The following ARB2A variants were observed in gnomAD, a reference collection of about 807,000 sequenced individuals.
The protein encoded by ARB2A is cotranscriptional regulator ARB2A.
chr5:93,697,525 CTTT>C, the ARB2A span, among the ~76,000 whole-genome samples: 1 of 152,098 alleles, frequency 6.6e-6, no homozygotes, highest in Non-Finnish European at 1.5e-5. Flanking sequence ...TGCAATTCTT[CTTT>C]ACTTCTTATA....
the ARB2A span, among the ~76,000 whole-genome samples, chr5:94,083,401 G>T: frequency 6.6e-6 from 1 of 151,916 alleles, no homozygotes; most frequent in Non-Finnish European, 1.5e-5. Context: ...TTCCACTCAC[G>T]AATATAAAGA....
the ARB2A span, among the ~76,000 whole-genome samples, chr5:93,778,799 T>A: frequency 3.3e-5 from 5 of 152,206 alleles, no homozygotes; most frequent in Non-Finnish European, 7.3e-5. Context: ...CATTACAGTA[T>A]GCAGAGGATT....
the ARB2A span, among the ~76,000 whole-genome samples, chr5:94,070,548 C>T: frequency 6.6e-6 from 1 of 151,940 alleles, no homozygotes; most frequent in Non-Finnish European, 1.5e-5. Flanking sequence ...ATGGAAATAT[C>T]CTAACTTGAA....
the ARB2A span, among the ~76,000 whole-genome samples, chr5:94,091,383 G>C: frequency 4.6e-5 from 7 of 152,134 alleles, no homozygotes; most frequent in Non-Finnish European, 5.9e-5. Flanking sequence ...ACAACCACCT[G>C]TCAAATACTT....
the ARB2A span, among the ~76,000 whole-genome samples, chr5:94,110,325 G>A: frequency 2.0e-5 from 3 of 152,068 alleles, no homozygotes; most frequent in East Asian, 5.8e-4. Context: ...AACACTATCC[G>A]GCACACTGAA....
the ARB2A span, among the ~76,000 whole-genome samples, chr5:93,664,740 A>T: frequency 6.6e-6 from 1 of 151,882 alleles, no homozygotes; most frequent in Non-Finnish European, 1.5e-5. Flanking sequence ...GGTATAATAT[A>T]TTAGCTCTAC....
the ARB2A span, among the ~76,000 whole-genome samples, chr5:93,993,944 A>C: frequency 6.6e-6 from 1 of 152,110 alleles, no homozygotes; most frequent in African/African-American, 2.4e-5. Flanking sequence ...AAAGAATTAT[A>C]ACAAAATAAG....
chr5:93,857,752 C>A, the ARB2A span, among the ~76,000 whole-genome samples: 1 of 152,222 alleles, frequency 6.6e-6, no homozygotes, highest in Non-Finnish European at 1.5e-5. Context: ...TGAGGCAATG[C>A]CTCGTCCTGC....
At chr5:93,628,347 C>A in the ARB2A span, among the ~76,000 whole-genome samples, 1 of 152,102 alleles carries the variant, frequency 6.6e-6, no homozygotes, top group Non-Finnish European at 1.5e-5. Flanking sequence ...CAGTGCCCAG[C>A]CGATGCAGCA....
the ARB2A span, among the ~76,000 whole-genome samples, chr5:93,637,921 T>C: frequency 6.6e-6 from 1 of 152,186 alleles, no homozygotes; most frequent in Non-Finnish European, 1.5e-5. Flanking sequence ...TTGGAGGGTC[T>C]GGAGGCTAAG....
chr5:94,082,326 G>T, the ARB2A span, among the ~76,000 whole-genome samples: 1 of 152,046 alleles, frequency 6.6e-6, no homozygotes, highest in African/African-American at 2.4e-5. Flanking sequence ...TTGAAATTTG[G>T]TAATAACTTT....
At chr5:94,041,270 A>C in the ARB2A span, among the ~76,000 whole-genome samples, 2,222 of 152,012 alleles carry the variant, frequency 0.015, 59 homozygotes, top group African/African-American at 0.051. Context: ...TGAGGGACAC[A>C]TTAGGATAGA....
chr5:93,718,155 G>T, the ARB2A span, among the ~76,000 whole-genome samples: 10,051 of 151,980 alleles, frequency 0.066, 413 homozygotes, highest in African/African-American at 0.11. Context: ...AATAGAGTAT[G>T]ACTCGGCTGG....
chr5:93,655,137 TATGAG>T, the ARB2A span, among the ~76,000 whole-genome samples: 1 of 152,238 alleles, frequency 6.6e-6, no homozygotes, highest in Admixed American at 6.5e-5. Context: ...TTGAGGACTC[TATGAG>T]ATAATATTTG....
chr5:93,889,070 T>C, the ARB2A span, among the ~76,000 whole-genome samples: 13 of 151,702 alleles, frequency 8.6e-5, no homozygotes, highest in South Asian at 2.3e-3. Flanking sequence ...ATTCCTAAAA[T>C]GTCTACATGA....
chr5:93,767,453 GA>G, the ARB2A span, among the ~76,000 whole-genome samples: 1 of 152,126 alleles, frequency 6.6e-6, no homozygotes, highest in Non-Finnish European at 1.5e-5. Context: ...AGCCACTATG[GA>G]AAACAATGTG....
the ARB2A span, among the ~76,000 whole-genome samples, chr5:93,621,857 C>CT: frequency 6.6e-6 from 1 of 151,934 alleles, no homozygotes; most frequent in Middle Eastern, 3.2e-3. Flanking sequence ...TTTAGAACAG[C>CT]TAAAAAAAAG....
the ARB2A span, among the ~76,000 whole-genome samples, chr5:94,082,416 G>T: frequency 2.0e-5 from 3 of 152,110 alleles, no homozygotes; most frequent in Admixed American, 6.6e-5. Flanking sequence ...TGTACCATTT[G>T]CTACAGAAAA....
At chr5:93,840,863 C>A in the ARB2A span, among the ~76,000 whole-genome samples, 10 of 152,272 alleles carry the variant, frequency 6.6e-5, 1 homozygote, top group East Asian at 7.7e-4. Flanking sequence ...TACTAACTAT[C>A]CCTTTAAATC....
Sources: gnomAD v4.1 joint callset for allele counts (sites outside exome capture counted in the v4.1 genomes callset) on GRCh38, gnomAD v4.1.1 for gene constraint, MANE v1.5 for transcripts, NCBI Gene and HGNC (gene_info 2026-07-23, HGNC 2026-07-21) for gene names.